The following MDGA2 variants were observed in gnomAD, a reference collection of about 807,000 sequenced individuals.
MDGA2 encodes the protein MAM domain-containing glycosylphosphatidylinositol anchor protein 2.
In MDGA2, 40 loss-of-function variants were observed where a neutral mutation model predicts 117.8. The ratio of observed to expected loss-of-function variants is 0.34; its 90% CI spans 0.26 to 0.44. MDGA2 has a LOEUF of 0.44. Ranked by LOEUF, MDGA2 falls within the 20% of genes least tolerant of loss-of-function variation. The probability of loss-of-function intolerance (pLI) is 1.00; values close to 1 mark genes in which losing one functional copy is unlikely to be tolerated. For synonymous variants in MDGA2, 452 were observed against 439.0 expected (o/e 1.03, Z -0.37); for missense variants, 1,123 against 1,250.6 (o/e 0.90, Z 1.54).
intron 4 of MDGA2, among the ~76,000 whole-genome samples, chr14:47,134,431 C>G (rs1340759670): frequency 1.3e-5 from 2 of 151,784 alleles, no homozygotes; most frequent in African/African-American, 2.4e-5. Context: ...GAGAAAAATT[C>G]CCTTACATTA....
At chr14:47,131,640 T>TTAAAA in intron 5 of MDGA2, 74 bp downstream of exon 5, 1 of 1,258,894 alleles carries the variant, frequency 7.9e-7, no homozygotes. Flanking sequence ...ATTTGGTCTT[T>TTAAAA]AAAAAAGTTA....
intron 6 of MDGA2, among the ~76,000 whole-genome samples, chr14:47,081,885 ACT>A (rs1004499784): frequency 3.3e-5 from 5 of 152,110 alleles, no homozygotes; most frequent in African/African-American, 1.2e-4. Context: ...AAATTATGCT[ACT>A]GTTATCACCT....
At chr14:47,337,219 T>A (rs1025919660) in intron 1 of MDGA2, among the ~76,000 whole-genome samples, 2 of 152,066 alleles carry the variant, frequency 1.3e-5, no homozygotes, top group African/African-American at 4.8e-5. Context: ...CATAAAGTAA[T>A]AAATTCAAGG....
intron 1 of MDGA2, among the ~76,000 whole-genome samples, chr14:47,334,709 C>T (rs376026479): frequency 1.3e-4 from 19 of 151,962 alleles, no homozygotes; most frequent in Middle Eastern, 3.4e-3. Flanking sequence ...TTATTGATAT[C>T]TCTCTGGCCA....
intron 1 of MDGA2, among the ~76,000 whole-genome samples, chr14:47,500,144 A>G (rs1894369648): frequency 6.6e-6 from 1 of 152,106 alleles, no homozygotes; most frequent in African/African-American, 2.4e-5. Context: ...TACCCCTTCA[A>G]TTCGGTCAAA....
intron 8 of MDGA2, among the ~76,000 whole-genome samples, chr14:46,987,585 C>G (rs528506982): frequency 1.3e-5 from 2 of 152,010 alleles, no homozygotes; most frequent in South Asian, 4.2e-4. Context: ...CTTGGTGATA[C>G]GAAAATAGAA....
At chr14:46,921,635 GA>G (rs894247121) in intron 9 of MDGA2, among the ~76,000 whole-genome samples, 1 of 149,372 alleles carries the variant, frequency 6.7e-6, no homozygotes, top group African/African-American at 2.5e-5. Flanking sequence ...AAAAAGAAAA[GA>G]AAAAAAAGAA....
In MDGA2 at chr14:47,282,883, G is replaced by A. The variant is rs774717579; in HGVS notation, c.420+18528C>T. Among the ~76,000 whole-genome samples, 165 of 151,358 alleles carry A rather than the reference G, an allele frequency of 1.1e-3. 2 individuals are homozygous for A. The highest frequency in any genetic ancestry group is 2.0e-3 in the Non-Finnish European group (135 of 67,846). ...AGGATTGCTTGAGCCCAGGAGTTGA[G>A]GCTGCAATGAGCTATGATCATGCCA... On this transcript the variant is annotated intron_variant, in intron 2 of 16. Transcript: ENST00000399232.
At chr14:47,287,290 G>T (rs1888720478) in intron 2 of MDGA2, among the ~76,000 whole-genome samples, 1 of 152,170 alleles carries the variant, frequency 6.6e-6, no homozygotes, top group South Asian at 2.1e-4. Flanking sequence ...TTAGCAAAGA[G>T]GAAGGGGTGG....
chr14:47,149,409 A>G (rs560056368), intron 3 of MDGA2, among the ~76,000 whole-genome samples: 2 of 152,198 alleles, frequency 1.3e-5, no homozygotes, highest in East Asian at 1.9e-4. Flanking sequence ...AGAGAGGCCA[A>G]TTCTATAATA....
chr14:46,943,674 A>C (rs906001585), intron 9 of MDGA2, among the ~76,000 whole-genome samples: 41 of 152,104 alleles, frequency 2.7e-4, no homozygotes, highest in Non-Finnish European at 5.0e-4. Flanking sequence ...ACAACAGTAT[A>C]ATTCAAATTA....
chr14:47,457,704 T>C (rs1258620411), intron 1 of MDGA2, among the ~76,000 whole-genome samples: 4 of 152,220 alleles, frequency 2.6e-5, no homozygotes, highest in South Asian at 4.1e-4. Context: ...ATTTAGTTTA[T>C]TTCCTTTTTT....
chr14:46,977,470 C>T (rs1158557127), intron 8 of MDGA2, among the ~76,000 whole-genome samples: 2 of 151,840 alleles, frequency 1.3e-5, no homozygotes, highest in African/African-American at 4.8e-5. Context: ...CACAATTAGA[C>T]AATCTATTTT....
intron 1 of MDGA2, among the ~76,000 whole-genome samples, chr14:47,622,216 CA>C (rs1401531255): frequency 6.6e-6 from 1 of 152,018 alleles, no homozygotes; most frequent in Non-Finnish European, 1.5e-5. Context: ...AAGAGAGCCA[CA>C]AAAGAGAGAA....
At chr14:47,601,139 T>C (rs1217893490) in intron 1 of MDGA2, among the ~76,000 whole-genome samples, 3 of 152,178 alleles carry the variant, frequency 2.0e-5, no homozygotes, top group Non-Finnish European at 1.5e-5. Context: ...CTATGTTGTA[T>C]ATTGGCAACC....
At chr14:47,443,586 T>C (rs1893059444) in intron 1 of MDGA2, among the ~76,000 whole-genome samples, 1 of 152,220 alleles carries the variant, frequency 6.6e-6, no homozygotes, top group South Asian at 2.1e-4. Context: ...CATAATTCAG[T>C]TCATAAATTA....
intron 3 of MDGA2, among the ~76,000 whole-genome samples, chr14:47,189,119 G>A (rs983918801): frequency 6.6e-6 from 1 of 152,104 alleles, no homozygotes; most frequent in East Asian, 1.9e-4. Flanking sequence ...AACAGCTCTG[G>A]TATCCTGAGA....
At chr14:47,514,113 T>A (rs1894701809) in intron 1 of MDGA2, among the ~76,000 whole-genome samples, 2 of 152,172 alleles carry the variant, frequency 1.3e-5, no homozygotes, top group Non-Finnish European at 2.9e-5. Flanking sequence ...GTGACCACCT[T>A]GACAGCCTTT....
At chr14:47,039,286 ATAGT>A (rs1389745723) in intron 7 of MDGA2, among the ~76,000 whole-genome samples, 1 of 152,204 alleles carries the variant, frequency 6.6e-6, no homozygotes, top group African/African-American at 2.4e-5. Context: ...GACTTGGTTA[ATAGT>A]TAATTTCAAC....
Sources: gnomAD v4.1 joint callset for allele counts (sites outside exome capture counted in the v4.1 genomes callset) on GRCh38, gnomAD v4.1.1 for gene constraint, MANE v1.5 for transcripts, NCBI Gene and HGNC (gene_info 2026-07-23, HGNC 2026-07-21) for gene names.